The following CNTNAP2 variants were observed in gnomAD, a reference collection of about 807,000 sequenced individuals.
The protein encoded by CNTNAP2 is contactin-associated protein-like 2.
Under a neutral mutation model 155.2 loss-of-function variants are expected in CNTNAP2, and 98 were observed. The observed-to-expected ratio is 0.63, with a 90% CI of 0.54 to 0.75. The LOEUF (loss-of-function observed/expected upper bound fraction) is 0.75, where lower values mean the gene tolerates loss of function less well. CNTNAP2 is among the 30% of genes least tolerant of loss of function. The probability of loss-of-function intolerance (pLI) is 0.00; values close to 1 mark genes in which losing one functional copy is unlikely to be tolerated. For synonymous variants in CNTNAP2, 651 were observed against 631.2 expected, an observed-to-expected ratio of 1.03 and a Z score of -0.47; for missense variants, 1,727 against 1,688.1, an observed-to-expected ratio of 1.02 and a Z score of -0.40.
intron 13 of CNTNAP2, among the ~76,000 whole-genome samples, chr7:147,642,531 C>T (rs117501177): frequency 1.9e-3 from 289 of 152,160 alleles, no homozygotes; most frequent in Non-Finnish European, 3.3e-3. Flanking sequence ...CATAACCACT[C>T]TCCTTTACAA....
chr7:147,923,031 A>G (rs185175599), intron 14 of CNTNAP2, among the ~76,000 whole-genome samples: 268 of 151,276 alleles, frequency 1.8e-3, no homozygotes, highest in African/African-American at 5.9e-3. Context: ...AAACCAAAAC[A>G]TGGAAAATGA....
At chr7:146,801,456 T>A (rs1802876443) in intron 2 of CNTNAP2, among the ~76,000 whole-genome samples, 1 of 152,220 alleles carries the variant, frequency 6.6e-6, no homozygotes, top group South Asian at 2.1e-4. Flanking sequence ...TTAAGTAATA[T>A]ATGTTCCATG....
At chr7:146,788,862 A>G (rs995007747) in intron 2 of CNTNAP2, among the ~76,000 whole-genome samples, 3 of 151,634 alleles carry the variant, frequency 2.0e-5, no homozygotes, top group African/African-American at 4.9e-5. Context: ...TTTTTCGTCT[A>G]TCTCTATCTC....
At chr7:147,719,952 T>G (rs965851294) in intron 13 of CNTNAP2, among the ~76,000 whole-genome samples, 15 of 152,124 alleles carry the variant, frequency 9.9e-5, no homozygotes, top group African/African-American at 3.6e-4. Flanking sequence ...AGTTAATATG[T>G]TCCCGCCTTG....
At chr7:147,192,711 TC>T (rs745745561) in intron 8 of CNTNAP2, among the ~76,000 whole-genome samples, 4 of 152,252 alleles carry the variant, frequency 2.6e-5, no homozygotes, top group Non-Finnish European at 5.9e-5. Flanking sequence ...TTGTTCCCTT[TC>T]CTTTCTCTTA....
chr7:146,191,115 CG>C (rs35011731), intron 1 of CNTNAP2, among the ~76,000 whole-genome samples: 44,094 of 151,934 alleles, frequency 0.29, 7,267 homozygotes, highest in African/African-American at 0.45. Flanking sequence ...TTTCAGATAT[CG>C]GGGGAACCAC....
chr7:146,134,308 G>A (rs1321960437), intron 1 of CNTNAP2, among the ~76,000 whole-genome samples: 420 of 145,724 alleles, frequency 2.9e-3, no homozygotes, highest in Non-Finnish European at 5.0e-3. Flanking sequence ...AGGAGATTTT[G>A]GGCTGAGACA....
At position 146,603,452 on chromosome 7, in the gene CNTNAP2, G is replaced by A. The variant is rs567197070; in HGVS notation, c.98-170819G>A. On this transcript the variant is annotated intron_variant, in intron 1 of 23. Transcript: ENST00000361727. ...ACAAACAAATGGAAGAACATTCCAT[G>A]CTCATGGGTAGGAAGAATCAATATC... 4.0e-5 allele frequency among the ~76,000 whole-genome samples: 6 copies of A among 150,120 alleles called. No individual in the cohort carries two copies. The South Asian group carries it at 1.3e-3, about 32-fold the overall frequency.
intron 8 of CNTNAP2, among the ~76,000 whole-genome samples, chr7:147,186,405 G>T (rs1368147927): frequency 6.6e-6 from 1 of 152,042 alleles, no homozygotes; most frequent in Non-Finnish European, 1.5e-5. Context: ...AACTTTTGAG[G>T]CATTTATTAT....
In CNTNAP2 at chr7:147,882,950, G is replaced by A. The variant is rs560406697; in HGVS notation, c.2099-20615G>A. Among the ~76,000 whole-genome samples, 18 of 152,234 alleles carry A rather than the reference G, an allele frequency of 1.2e-4. No homozygotes were observed. In the East Asian group the frequency reaches 2.7e-3, roughly 23 times the overall value. ...GTGTATGTGTGTTTATTTAAGATTC[G>A]CCTGCTTTTGTAAATGTAATCAGCT... On this transcript the variant is annotated intron_variant, in intron 13 of 23. Coordinates refer to ENST00000361727, the MANE Select transcript of CNTNAP2 (RefSeq NM_014141.6).
At chr7:146,431,052 T>A (rs1044268136) in intron 1 of CNTNAP2, among the ~76,000 whole-genome samples, 2 of 152,018 alleles carry the variant, frequency 1.3e-5, no homozygotes, top group African/African-American at 4.8e-5. Flanking sequence ...ATCCTCAGTG[T>A]TAGATGTAAA....
At chr7:148,173,645 G>A (rs1473923013) in intron 18 of CNTNAP2, among the ~76,000 whole-genome samples, 1 of 152,170 alleles carries the variant, frequency 6.6e-6, no homozygotes, top group Non-Finnish European at 1.5e-5. Context: ...TAATACCAAA[G>A]CACATTAACA....
intron 13 of CNTNAP2, among the ~76,000 whole-genome samples, chr7:147,671,424 G>T (rs188452079): frequency 1.3e-5 from 2 of 152,298 alleles, no homozygotes; most frequent in Non-Finnish European, 2.9e-5. Flanking sequence ...TGGTCCTTCA[G>T]CTATAGACAC....
intron 1 of CNTNAP2, among the ~76,000 whole-genome samples, chr7:146,724,033 G>A (rs1046726005): frequency 7.9e-5 from 12 of 152,126 alleles, no homozygotes; most frequent in East Asian, 1.9e-4. Context: ...GAATTCAAAC[G>A]TTACTACCTG....
chr7:146,454,038 T>C (rs993834149), intron 1 of CNTNAP2, among the ~76,000 whole-genome samples: 5 of 151,982 alleles, frequency 3.3e-5, no homozygotes, highest in Non-Finnish European at 7.4e-5. Context: ...AAAATAGAAG[T>C]TCAAAAAAAT....
At chr7:148,230,357 C>T (rs1453335725) in intron 20 of CNTNAP2, among the ~76,000 whole-genome samples, 1 of 152,156 alleles carries the variant, frequency 6.6e-6, no homozygotes, top group Non-Finnish European at 1.5e-5. Context: ...CCGGCCCTCA[C>T]CACTGATTTT....
At chr7:146,612,985 C>G (rs1799163953) in intron 1 of CNTNAP2, among the ~76,000 whole-genome samples, 1 of 149,592 alleles carries the variant, frequency 6.7e-6, no homozygotes, top group East Asian at 2.0e-4. Flanking sequence ...AGTAGCTATC[C>G]ATGCTTTTTG....
At chr7:146,959,707 G>C (rs375450479) in intron 3 of CNTNAP2, among the ~76,000 whole-genome samples, 1 of 124,710 alleles carries the variant, frequency 8.0e-6, no homozygotes. Context: ...GCATCACAGC[G>C]AGTCTCAAAA....
At chr7:148,234,615 G>A (rs34880122) in intron 20 of CNTNAP2, among the ~76,000 whole-genome samples, 53,825 of 152,046 alleles carry the variant, frequency 0.35, 10,814 homozygotes, top group East Asian at 0.63. Flanking sequence ...AGCTCCTTGG[G>A]AAAGTAAAGC....
Sources: gnomAD v4.1 joint callset for allele counts (sites outside exome capture counted in the v4.1 genomes callset) on GRCh38, gnomAD v4.1.1 for gene constraint, MANE v1.5 for transcripts, NCBI Gene and HGNC (gene_info 2026-07-23, HGNC 2026-07-21) for gene names.